XIAP: variants seen among roughly 807,000 people sequenced by gnomAD.
XIAP encodes the protein X-linked inhibitor of apoptosis.
Under a neutral mutation model 33.1 loss-of-function variants are expected in XIAP, and 3 were observed. The observed-to-expected ratio is 0.09, with a 90% CI of 0.04 to 0.23. The LOEUF (loss-of-function observed/expected upper bound fraction) is 0.23. XIAP is among the 10% of genes least tolerant of loss of function. The probability of loss-of-function intolerance (pLI) is 1.00; values close to 1 mark genes in which losing one functional copy is unlikely to be tolerated. For synonymous variants in XIAP, 98 were observed against 121.3 expected, an observed-to-expected ratio of 0.81 and a Z score of 1.26; for missense variants, 264 against 363.0, an observed-to-expected ratio of 0.73 and a Z score of 2.22.
intron 5 of XIAP, among the ~76,000 whole-genome samples, chrX:123,896,747 A>AT (rs1422033946): frequency 9.7e-6 from 1 of 103,609 alleles, no homozygotes; most frequent in Non-Finnish European, 2.0e-5. Flanking sequence ...TGGCTGGCTA[A>AT]TTTTTTTTGT....
intron 5 of XIAP, 61 bp downstream of exon 5, chrX:123,892,834 A>T: frequency 5.7e-6 from 6 of 1,046,082 alleles, no homozygotes. Context: ...TTATTTATTT[A>T]TTTAGAGACA....
chrX:123,910,294 A>G lies in XIAP; in HGVS notation c.*3113A>G, dbSNP rs752867651. 3.1e-6 allele frequency: 1 copy of G among 327,485 alleles called. No homozygotes were observed. The highest frequency in any genetic ancestry group is 5.9e-6 in the Non-Finnish European group (1 of 169,679). The allele number at this position is 327,485 out of a possible 1,213,427, so 27.0% of individuals were successfully genotyped here. A position where few individuals can be genotyped will look rare whatever the true frequency, so the allele number is the denominator to read the frequency against. On this transcript the variant is annotated 3_prime_UTR_variant, in exon 7 of 7. Transcript: ENST00000371199. Reference sequence around the variant, plus strand: ...GGTAGAGTGGGTGTAGTGAGTGTATATAATGTGATTTGGCCCTGTGTATTA... The same window carrying G: ...GGTAGAGTGGGTGTAGTGAGTGTATGTAATGTGATTTGGCCCTGTGTATTA...
chrX:123,878,699 C>T (rs1194789924), intron 1 of XIAP: 3 of 112,394 alleles, frequency 2.7e-5, no homozygotes, highest in Non-Finnish European at 5.6e-5. Context: ...GAAGTAAAAT[C>T]ATTCTATCGA....
chrX:123,907,422 A>G lies in XIAP; in HGVS notation c.*241A>G. On this transcript the variant is annotated 3_prime_UTR_variant, in exon 7 of 7. Transcript: ENST00000371199. Reference sequence around the variant, plus strand: ...TAATTGAAACCATAGACTAAGAATAAGAAGCATCATACTATAACTGAACAC... The same window carrying G: ...TAATTGAAACCATAGACTAAGAATAGGAAGCATCATACTATAACTGAACAC... The G allele has an allele frequency of 2.2e-6, 1 of 462,269 alleles. No individual in the cohort carries two copies. Among genetic ancestry groups the G allele is most frequent in the Admixed American group, 3.0e-5 (1 of 33,624 alleles). The allele number at this position is 462,269 out of a possible 1,213,427, so 38.1% of individuals were successfully genotyped here.
chrX:123,888,338 AAAAG>A (rs974082907), intron 2 of XIAP, among the ~76,000 whole-genome samples: 4 of 112,449 alleles, frequency 3.6e-5, no homozygotes, highest in East Asian at 2.8e-4. Context: ...CAGTCTCAAA[AAAAG>A]AAAGAAAGTA....
At chrX:123,864,597 G>C (rs1271446724) in intron 1 of XIAP, among the ~76,000 whole-genome samples, 2 of 107,678 alleles carry the variant, frequency 1.9e-5, no homozygotes, top group Non-Finnish European at 3.8e-5. Flanking sequence ...CTCTCAAGTA[G>C]CTGGGACTAC....
In XIAP at chrX:123,913,679, G is replaced by A. The variant is rs1287660371; in HGVS notation, c.*6498G>A. ...AAGAAATTTGCAGTTTTGGTTTGAT[G>A]TAACAAGGGTTTTAATGTAATTTAT... is the stretch of plus-strand genomic sequence containing the variant. On this transcript the variant is annotated 3_prime_UTR_variant, in exon 7 of 7. Coordinates refer to ENST00000371199, the MANE Select transcript of XIAP (RefSeq NM_001167.4). 4 of 322,237 alleles carry A rather than the reference G, an allele frequency of 1.2e-5. No homozygotes were observed. The highest frequency in any genetic ancestry group is 1.1e-4 in the South Asian group (4 of 36,313). The allele number at this position is 322,237 out of a possible 1,213,427, so 26.6% of individuals were successfully genotyped here. A position where few individuals can be genotyped will look rare whatever the true frequency, so the allele number is the denominator to read the frequency against.
chrX:123,912,295 T>C lies in XIAP; in HGVS notation c.*5114T>C, dbSNP rs776779449. 2.8e-4 allele frequency: 88 copies of C among 312,479 alleles called. 2 individuals are homozygous for C. Among genetic ancestry groups the C allele is most frequent in the South Asian group, 1.9e-3 (65 of 34,670 alleles). The allele number at this position is 312,479 out of a possible 1,213,427, so 25.8% of individuals were successfully genotyped here. On this transcript the variant is annotated 3_prime_UTR_variant, in exon 7 of 7. Transcript: ENST00000371199. ...AAAAGCCAAAATTGTCATACTGTTG[T>C]TAAGCAACAGTATAACAACTATTTA...
At chrX:123,884,639 A>G (rs755735375) in intron 1 of XIAP, among the ~76,000 whole-genome samples, 2 of 111,735 alleles carry the variant, frequency 1.8e-5, no homozygotes, top group South Asian at 3.7e-4. Flanking sequence ...TAGGGTTACC[A>G]TATACTCTAG....
At chrX:123,885,238 A>G (rs2053341227) in intron 1 of XIAP, among the ~76,000 whole-genome samples, 1 of 111,961 alleles carries the variant, frequency 8.9e-6, no homozygotes, top group East Asian at 2.8e-4. Context: ...ATATATAATG[A>G]TTCATTATAA....
rs1037469871 is a variant in XIAP at position 123,912,661 on chromosome X, T to C, written c.*5480T>C. Reference sequence around the variant, plus strand: ...GAATAAATAAAGTATGTGATGAAGATGTGCATACATTATATGCAAATACTG... The same window carrying C: ...GAATAAATAAAGTATGTGATGAAGACGTGCATACATTATATGCAAATACTG... On this transcript the variant is annotated 3_prime_UTR_variant, in exon 7 of 7. Coordinates refer to ENST00000371199, the MANE Select transcript of XIAP (RefSeq NM_001167.4). The C allele has an allele frequency of 9.5e-6, 3 of 314,600 alleles. No homozygotes were observed. The highest frequency in any genetic ancestry group is 8.6e-5 in the African/African-American group (3 of 35,049). The allele number at this position is 314,600 out of a possible 1,213,427, so 25.9% of individuals were successfully genotyped here. A position where few individuals can be genotyped will look rare whatever the true frequency, so the allele number is the denominator to read the frequency against.
In XIAP at chrX:123,909,984, G is replaced by C; in HGVS notation, c.*2803G>C. 3.0e-6 allele frequency: 1 copy of C among 329,600 alleles called. No homozygotes were observed. Among genetic ancestry groups the C allele is most frequent in the East Asian group, 9.7e-5 (1 of 10,327 alleles). The allele number at this position is 329,600 out of a possible 1,213,427, so 27.2% of individuals were successfully genotyped here. A position where few individuals can be genotyped will look rare whatever the true frequency, so the allele number is the denominator to read the frequency against. On this transcript the variant is annotated 3_prime_UTR_variant, in exon 7 of 7. Coordinates refer to ENST00000371199, the MANE Select transcript of XIAP (RefSeq NM_001167.4). ...CTTTTCCCCCTCCCAAGAGTTCTCA[G>C]TGTCTACATGTAGACTATTCCTTTT...
chrX:123,864,991 CTTT>C (rs35693982), intron 1 of XIAP, among the ~76,000 whole-genome samples: 48 of 89,221 alleles, frequency 5.4e-4, no homozygotes, highest in Admixed American at 1.2e-3. Context: ...CGCCTTTCTT[CTTT>C]TTTTTTTTTT....
At chrX:123,887,204 C>A (rs749464577) in intron 2 of XIAP, among the ~76,000 whole-genome samples, 1 of 111,983 alleles carries the variant, frequency 8.9e-6, no homozygotes, top group African/African-American at 3.2e-5. Context: ...CAGGTGCATG[C>A]ACCATGCCTG....
At chrX:123,888,509 C>A in intron 2 of XIAP, 110 bp from the exon 3 acceptor site, 1 of 657,103 alleles carries the variant, frequency 1.5e-6, no homozygotes, top group Non-Finnish European at 2.5e-6. Context: ...TTGTTTTAAG[C>A]TGTGAGATTT....
chrX:123,860,007 C>A, upstream of XIAP: 2 of 313,759 alleles, frequency 6.4e-6, no homozygotes, highest in Non-Finnish European at 1.3e-5. Flanking sequence ...GGCCCAGTGG[C>A]GCAGCCCGGG....
intron 5 of XIAP, among the ~76,000 whole-genome samples, chrX:123,895,143 C>T (rs927822616): frequency 4.5e-5 from 5 of 111,478 alleles, no homozygotes; most frequent in African/African-American, 1.3e-4. Context: ...CTCCATTGCC[C>T]ACCCTACCCC....
chrX:123,906,794 C>T (rs1170793833), intron 6 of XIAP, among the ~76,000 whole-genome samples, 194 bp from the exon 7 acceptor site: 1 of 111,968 alleles, frequency 8.9e-6, no homozygotes, highest in African/African-American at 3.2e-5. Flanking sequence ...TGTGCTTAAC[C>T]TCCTAGCCTC....
intron 1 of XIAP, among the ~76,000 whole-genome samples, chrX:123,885,088 A>G (rs2053339848): frequency 8.9e-6 from 1 of 111,922 alleles, no homozygotes; most frequent in Non-Finnish European, 1.9e-5. Context: ...TGAAAATCAG[A>G]AATATTTCAT....
Sources: gnomAD v4.1 joint callset for allele counts (sites outside exome capture counted in the v4.1 genomes callset) on GRCh38, gnomAD v4.1.1 for gene constraint, MANE v1.5 for transcripts, NCBI Gene and HGNC (gene_info 2026-07-23, HGNC 2026-07-21) for gene names.